WDR64: variants seen among roughly 807,000 people sequenced by gnomAD.
The protein encoded by WDR64 is WD repeat-containing protein 64.
A neutral mutation model predicts 139.3 loss-of-function variants in WDR64; 112 were observed. That is an observed-to-expected ratio of 0.80 (90% confidence interval 0.69 to 0.94). The LOEUF is 0.94. WDR64 is among the 40% of genes least tolerant of loss of function. WDR64 has a pLI of 0.00. For synonymous variants in WDR64, 444 were observed against 437.7 expected, an observed-to-expected ratio of 1.01 and a Z score of -0.18; for missense variants, 1,206 against 1,293.1, an observed-to-expected ratio of 0.93 and a Z score of 1.03.
chr1:241,735,074 C>T (rs1369438113), intron 10 of WDR64, among the ~76,000 whole-genome samples: 1 of 152,110 alleles, frequency 6.6e-6, no homozygotes, highest in Non-Finnish European at 1.5e-5. Context: ...TTAACCAGCA[C>T]CATGTTTTTA....
In WDR64 at chr1:241,703,279, G is replaced by A. The variant is rs138311823; in HGVS notation, c.975-8523G>A. On this transcript the variant is annotated intron_variant, in intron 8 of 27. Coordinates refer to ENST00000437684, the MANE Select transcript of WDR64 (RefSeq NM_001367482.1). This position sits in a 1 kb window ranked among gnomAD's most constrained non-coding sequence, Gnocchi z 5.9. ...TCTGCAGCATTGCCTTCCATTCAGT[G>A]AACAACCCCTATCGTGTAACACATG... Among the ~76,000 whole-genome samples the A allele has an allele frequency of 1.4e-4, 22 of 152,000 alleles. No homozygotes were observed. The highest frequency in any genetic ancestry group is 2.0e-4 in the Admixed American group (3 of 15,256).
intron 25 of WDR64, among the ~76,000 whole-genome samples, chr1:241,793,777 AC>A (rs1488031889): frequency 6.6e-6 from 1 of 152,234 alleles, no homozygotes; most frequent in Admixed American, 6.5e-5. Flanking sequence ...GAAAATACAT[AC>A]CAGGTACATT....
chr1:241,735,826 T>TCTCC (rs1380332851), intron 10 of WDR64, among the ~76,000 whole-genome samples: 2 of 58,462 alleles, frequency 3.4e-5, no homozygotes, highest in Non-Finnish European at 7.9e-5. Context: ...TCTTTCTATC[T>TCTCC]CTCTCTCTCT....
At chr1:241,695,315 CTA>C (rs1667441857) in intron 8 of WDR64, among the ~76,000 whole-genome samples, 1 of 152,232 alleles carries the variant, frequency 6.6e-6, no homozygotes, top group African/African-American at 2.4e-5. Flanking sequence ...TGGCGCACAA[CTA>C]TATGTTTTTT....
chr1:241,752,807 C>T (rs1670028442), intron 14 of WDR64, among the ~76,000 whole-genome samples: 1 of 152,126 alleles, frequency 6.6e-6, no homozygotes, highest in Admixed American at 6.5e-5. Flanking sequence ...GCCAAAATTG[C>T]ACCACTGCAC....
chr1:241,666,497 T>C (rs1055819700), intron 2 of WDR64, among the ~76,000 whole-genome samples: 2 of 152,238 alleles, frequency 1.3e-5, no homozygotes, highest in Non-Finnish European at 2.9e-5. Flanking sequence ...AAATTTATTA[T>C]TGTCGTAAGA....
intron 25 of WDR64, among the ~76,000 whole-genome samples, chr1:241,791,797 G>A (rs573137128): frequency 3.3e-5 from 5 of 152,192 alleles, no homozygotes; most frequent in East Asian, 3.9e-4. Context: ...AGTCTCTTTC[G>A]CCAAGTAAAG....
chr1:241,671,011 C>G, intron 2 of WDR64, 63 bp from the exon 3 acceptor site: 1 of 1,181,098 alleles, frequency 8.5e-7, no homozygotes, highest in African/African-American at 1.6e-5. Flanking sequence ...AACATGAGAT[C>G]TGCTACTTTA....
intron 23 of WDR64, among the ~76,000 whole-genome samples, chr1:241,785,011 G>A (rs913591364): frequency 2.1e-5 from 3 of 143,856 alleles, no homozygotes; most frequent in Admixed American, 1.5e-4. Flanking sequence ...GCAGGAAAGA[G>A]TAAGAACATT....
chr1:241,775,900 T>C (rs1170809473), intron 21 of WDR64, among the ~76,000 whole-genome samples: 1 of 152,070 alleles, frequency 6.6e-6, no homozygotes, highest in Non-Finnish European at 1.5e-5. Context: ...CCTTTCACTT[T>C]CTCTTTTCTC....
At position 241,671,182 on chromosome 1, in the gene WDR64, A is replaced by G; in HGVS notation, c.379+6A>G. 1.3e-6 allele frequency: 2 copies of G among 1,525,350 alleles called. No individual in the cohort carries two copies. Among genetic ancestry groups the G allele is most frequent in the Non-Finnish European group, 1.8e-6 (2 of 1,125,644 alleles). The allele number at this position is 1,525,350 out of a possible 1,614,324, so 94.5% of individuals were successfully genotyped here. ...AAGGCGAATTTTAATTTCAGGTGAC[A>G]TTTTAATTTTCTCTTCCAAATTAGT... is the stretch of plus-strand genomic sequence containing the variant. On this transcript the variant is annotated splice_donor_region_variant and intron_variant, in intron 3 of 27. Transcript: ENST00000437684.
chr1:241,696,245 CTT>C (rs1321716307), intron 8 of WDR64, among the ~76,000 whole-genome samples: 1 of 149,506 alleles, frequency 6.7e-6, no homozygotes, highest in Admixed American at 6.7e-5. Flanking sequence ...CTGACCTCCT[CTT>C]TTATCTTATC....
chr1:241,768,635 C>T (rs1658282432), intron 16 of WDR64, among the ~76,000 whole-genome samples: 1 of 152,206 alleles, frequency 6.6e-6, no homozygotes, highest in Admixed American at 6.5e-5. Flanking sequence ...CAGGAGGCCC[C>T]TTCATCTCTT....
rs796517509 is a variant in WDR64, at chr1:241,744,383, T to C, written c.1471-10T>C. ...AACGGATTACTTGATATTTTCGTTCTTTCCCATAGGTATGGGAACTCGAGA... is the reference window on the plus strand; with the variant it reads ...AACGGATTACTTGATATTTTCGTTCCTTCCCATAGGTATGGGAACTCGAGA... On this transcript the variant is annotated splice_polypyrimidine_tract_variant and intron_variant, in intron 12 of 27. Transcript: ENST00000437684. 3.1e-6 allele frequency: 5 copies of C among 1,613,172 alleles called. No individual in the cohort carries two copies. The highest frequency in any genetic ancestry group is 1.1e-5 in the South Asian group (1 of 90,834).
chr1:241,669,555 G>T (rs1173180123), intron 2 of WDR64, among the ~76,000 whole-genome samples: 1 of 152,088 alleles, frequency 6.6e-6, no homozygotes, highest in Non-Finnish European at 1.5e-5. Context: ...TGCTAATTTT[G>T]CTGGTGGGAA....
intron 23 of WDR64, among the ~76,000 whole-genome samples, chr1:241,785,778 G>A (rs893522441): frequency 3.3e-5 from 5 of 152,190 alleles, no homozygotes; most frequent in African/African-American, 9.7e-5. Context: ...TCAAAAAGAT[G>A]AGATTTTTAA....
intron 8 of WDR64, among the ~76,000 whole-genome samples, chr1:241,701,817 C>G (rs1041157346): frequency 6.6e-6 from 1 of 152,190 alleles, no homozygotes; most frequent in Non-Finnish European, 1.5e-5. Context: ...TCTCAATAGA[C>G]TGAGAATTGG....
In WDR64 at chr1:241,784,953, G is replaced by GGAAAAAAAAAAAAAAAAA. The variant is rs766802128; in HGVS notation, c.2705+1572_2705+1573insGAAAAAAAAAAAAAAAAA. Among the ~76,000 whole-genome samples, 82 of 62,224 alleles carry GGAAAAAAAAAAAAAAAAA rather than the reference G, an allele frequency of 1.3e-3. 14 individuals are homozygous for GGAAAAAAAAAAAAAAAAA. The highest frequency in any genetic ancestry group is 1.5e-3 in the Non-Finnish European group (48 of 32,504). The allele number at this position is 62,224 out of a possible 152,430, so 40.8% of individuals were successfully genotyped here. On this transcript the variant is annotated intron_variant, in intron 23 of 27. Transcript: ENST00000437684. The stretch of plus-strand genomic sequence containing the variant: ...TGGGCGACAGAGTGAGACTCTGTCT[G>GGAAAAAAAAAAAAAAAAA]AAAAAAAAAAAAAAAAAAAAAAAGA...
At chr1:241,709,576 T>C (rs1197156744) in intron 8 of WDR64, among the ~76,000 whole-genome samples, 3 of 152,116 alleles carry the variant, frequency 2.0e-5, no homozygotes, top group African/African-American at 4.8e-5. Flanking sequence ...GTCATGCCAT[T>C]GCACTCCAGC....
Sources: allele counts gnomAD v4.1 joint callset (sites outside exome capture counted in the v4.1 genomes callset), GRCh38; gene constraint gnomAD v4.1.1; non-coding constraint Gnocchi (gnomAD v3.1); transcripts MANE v1.5; gene names NCBI Gene and HGNC (gene_info 2026-07-23, HGNC 2026-07-21).